The following MAPKAP1 variants were observed in gnomAD, a reference collection of about 807,000 sequenced individuals.
The protein encoded by MAPKAP1 is target of rapamycin complex 2 subunit MAPKAP1.
MAPKAP1 carries 20 observed loss-of-function variants against 65.7 expected under a neutral mutation model. The observed-to-expected ratio is 0.30, with a 90% CI of 0.21 to 0.44. The LOEUF (loss-of-function observed/expected upper bound fraction) is 0.44, where lower values mean the gene tolerates loss of function less well. Ranked by LOEUF, MAPKAP1 falls within the 20% of genes least tolerant of loss-of-function variation. The probability of loss-of-function intolerance (pLI) is 1.00; values close to 1 mark genes in which losing one functional copy is unlikely to be tolerated. For missense variants in MAPKAP1, 423 were observed against 648.0 expected, an observed-to-expected ratio of 0.65 and a Z score of 3.77; for synonymous variants, 222 against 244.3, an observed-to-expected ratio of 0.91 and a Z score of 0.85.
chr9:125,669,040 C>T (rs1834421293), intron 3 of MAPKAP1, among the ~76,000 whole-genome samples: 2 of 152,070 alleles, frequency 1.3e-5, no homozygotes, highest in East Asian at 3.9e-4. Flanking sequence ...CTTAGCCAGG[C>T]ATGGTGGTGT....
At chr9:125,539,030 G>A (rs747765887) in intron 7 of MAPKAP1, among the ~76,000 whole-genome samples, 3 of 152,076 alleles carry the variant, frequency 2.0e-5, no homozygotes, top group Non-Finnish European at 2.9e-5. Context: ...GAGAAGCCCC[G>A]TACACTATCT....
intron 4 of MAPKAP1, among the ~76,000 whole-genome samples, chr9:125,628,143 T>C (rs987232473): frequency 6.6e-6 from 1 of 152,172 alleles, no homozygotes; most frequent in Admixed American, 6.5e-5. Flanking sequence ...TAAGGACTGC[T>C]TGTGGTAGTG....
chr9:125,576,253 C>T (rs1564566010), intron 5 of MAPKAP1, among the ~76,000 whole-genome samples: 1 of 152,178 alleles, frequency 6.6e-6, no homozygotes, highest in Admixed American at 6.5e-5. Flanking sequence ...ATTAGAGCTG[C>T]ACAAGAGTGA....
intron 7 of MAPKAP1, among the ~76,000 whole-genome samples, chr9:125,540,057 C>A (rs1337152241): frequency 3.9e-5 from 6 of 152,092 alleles, no homozygotes; most frequent in Non-Finnish European, 7.4e-5. Flanking sequence ...TAATGCAAAT[C>A]AAAATTTTAG....
chr9:125,665,102 G>T (rs1476700388), intron 3 of MAPKAP1, among the ~76,000 whole-genome samples: 2 of 152,076 alleles, frequency 1.3e-5, no homozygotes, highest in African/African-American at 4.8e-5. Flanking sequence ...AGGAGTTCAA[G>T]ATCAGCCTGG....
intron 1 of MAPKAP1, among the ~76,000 whole-genome samples, chr9:125,683,300 G>A (rs1333393983): frequency 4.6e-5 from 7 of 152,078 alleles, no homozygotes; most frequent in African/African-American, 1.7e-4. Flanking sequence ...CTTGAGTGTG[G>A]GTGGAATCTG....
At chr9:125,699,311 C>A (rs746126660) in intron 1 of MAPKAP1, among the ~76,000 whole-genome samples, 1 of 151,996 alleles carries the variant, frequency 6.6e-6, no homozygotes, top group Non-Finnish European at 1.5e-5. Context: ...CGGGCTCAAA[C>A]GATCCTCCTG....
chr9:125,490,840 T>C (rs1420171522), intron 8 of MAPKAP1, among the ~76,000 whole-genome samples: 2 of 152,024 alleles, frequency 1.3e-5, no homozygotes, highest in Admixed American at 6.5e-5. Flanking sequence ...CTCTTCTCAT[T>C]AAAAATTTTA....
chr9:125,553,624 C>A (rs1830650844), intron 6 of MAPKAP1, among the ~76,000 whole-genome samples: 1 of 152,178 alleles, frequency 6.6e-6, no homozygotes, highest in South Asian at 2.1e-4. Context: ...ACCAACAAAC[C>A]TACCCCATGC....
At chr9:125,705,732 G>A (rs971016023) in intron 1 of MAPKAP1, among the ~76,000 whole-genome samples, 1 of 152,152 alleles carries the variant, frequency 6.6e-6, no homozygotes, top group Non-Finnish European at 1.5e-5. Flanking sequence ...TCCTGAATTG[G>A]TTGGGTGAGG....
intron 7 of MAPKAP1, among the ~76,000 whole-genome samples, chr9:125,517,821 T>C (rs1014846545): frequency 7.2e-5 from 11 of 152,192 alleles, no homozygotes; most frequent in African/African-American, 2.7e-4. Context: ...CTGTCAGAAT[T>C]AAGAGCTCTT....
rs1215533621 is a variant in MAPKAP1, at chr9:125,559,758, C to T, written c.723G>A (p.Val241=). ...CLHIAEDDGE[V]DTDFPPLDSN... is the part of the protein sequence containing the mutation. ...AATCCAGCGGGGGGAAATCGGTGTCCACCTCCCCATCATCCTCAGCAATAT... is the reference window on the plus strand; with the variant it reads ...AATCCAGCGGGGGGAAATCGGTGTCTACCTCCCCATCATCCTCAGCAATAT... Residue 241 remains valine (V), a synonymous_variant, in exon 6 of 12, where the codon GTG becomes GTA. Coordinates refer to ENST00000265960, the MANE Select transcript of MAPKAP1 (RefSeq NM_001006617.3). 1.2e-6 allele frequency: 2 copies of T among 1,613,768 alleles called. No individual in the cohort carries two copies. The highest frequency in any genetic ancestry group is 2.2e-5 in the East Asian group (1 of 44,866).
At chr9:125,480,974 GGAA>G (rs1484325656) in intron 9 of MAPKAP1, among the ~76,000 whole-genome samples, 18 of 97,648 alleles carry the variant, frequency 1.8e-4, no homozygotes, top group South Asian at 1.1e-3. Flanking sequence ...TCCGTTTCGG[GGAA>G]AAAAAAAAAA....
chr9:125,467,870 G>T, intron 10 of MAPKAP1, 102 bp downstream of exon 10: 1 of 1,305,090 alleles, frequency 7.7e-7, no homozygotes, highest in South Asian at 1.4e-5. Flanking sequence ...CAGACCCAAG[G>T]AAAAAAGGAC....
chr9:125,688,382 C>A (rs1309753973), intron 1 of MAPKAP1, among the ~76,000 whole-genome samples: 2 of 152,130 alleles, frequency 1.3e-5, no homozygotes, highest in Non-Finnish European at 2.9e-5. Context: ...AGGTGATCTG[C>A]CGGCCTCGGC....
chr9:125,479,241 G>A (rs1854217926), intron 9 of MAPKAP1, among the ~76,000 whole-genome samples: 1 of 152,160 alleles, frequency 6.6e-6, no homozygotes, highest in Non-Finnish European at 1.5e-5. Context: ...TAAAAGACCA[G>A]AGCTGTGTCA....
chr9:125,521,291 G>GA (rs1829610427), intron 7 of MAPKAP1, among the ~76,000 whole-genome samples: 1 of 111,174 alleles, frequency 9.0e-6, no homozygotes. Context: ...TGTAAAAAAG[G>GA]AAATTTTTTT....
chr9:125,607,082 G>T (rs1662908193), intron 4 of MAPKAP1, among the ~76,000 whole-genome samples: 1 of 152,126 alleles, frequency 6.6e-6, no homozygotes, highest in Non-Finnish European at 1.5e-5. Flanking sequence ...AAGCTTGAAA[G>T]AATGAATGAA....
chr9:125,656,256 C>A (rs1834029048), intron 4 of MAPKAP1, among the ~76,000 whole-genome samples: 1 of 152,086 alleles, frequency 6.6e-6, no homozygotes, highest in Admixed American at 6.6e-5. Flanking sequence ...TGTAGTCCAA[C>A]TCGCCATTTT....
Sources: allele counts gnomAD v4.1 joint callset (sites outside exome capture counted in the v4.1 genomes callset), GRCh38; gene constraint gnomAD v4.1.1; transcripts MANE v1.5; gene names NCBI Gene and HGNC (gene_info 2026-07-23, HGNC 2026-07-21).